The following UHRF2 variants were observed in gnomAD, a reference collection of about 807,000 sequenced individuals.
UHRF2 encodes the protein ubiquitin like with PHD and ring finger domains 2, also known as E3 ubiquitin-protein ligase UHRF2.
Under a neutral mutation model 96.8 loss-of-function variants are expected in UHRF2, and 23 were observed. That is an observed-to-expected ratio of 0.24 (90% CI 0.17 to 0.34). The LOEUF (loss-of-function observed/expected upper bound fraction) is 0.34, where lower values mean the gene tolerates loss of function less well. Ranked by LOEUF, UHRF2 falls within the 10% of genes least tolerant of loss-of-function variation. The probability of loss-of-function intolerance (pLI) is 1.00; values close to 1 mark genes in which losing one functional copy is unlikely to be tolerated. For synonymous variants in UHRF2, 385 were observed against 332.6 expected (o/e 1.16, Z -1.72); for missense variants, 685 against 981.5 (o/e 0.70, Z 4.04).
chr9:6,483,274 G>A (rs538120287), intron 8 of UHRF2, among the ~76,000 whole-genome samples: 17 of 145,860 alleles, frequency 1.2e-4, no homozygotes, highest in Admixed American at 6.3e-4. Flanking sequence ...GCAGTGAGCC[G>A]AGATTGTGCC....
chr9:6,503,650 G>GT lies in UHRF2; in HGVS notation c.2164-934dup, dbSNP rs200537753. On this transcript the variant is annotated intron_variant, in intron 14 of 15. Coordinates refer to ENST00000276893, the MANE Select transcript of UHRF2 (RefSeq NM_152896.3). ...ATACTACAGAGTATTGTTTCCTAGT[G>GT]TTTTTTTTTAAGCTCCTAAAGACAA... is the stretch of plus-strand genomic sequence containing the variant. Among the ~76,000 whole-genome samples, 614 of 150,880 alleles carry GT rather than the reference G, an allele frequency of 4.1e-3. 3 individuals carry two copies. Among genetic ancestry groups the GT allele is most frequent in the East Asian group, 0.014 (70 of 5,146 alleles).
At chr9:6,418,462 C>T (rs978194214) in intron 1 of UHRF2, among the ~76,000 whole-genome samples, 1 of 151,768 alleles carries the variant, frequency 6.6e-6, no homozygotes, top group Non-Finnish European at 1.5e-5. Flanking sequence ...AATGTGAATA[C>T]CTGTAGTGTT....
chr9:6,452,571 C>T (rs1166924645), intron 3 of UHRF2, among the ~76,000 whole-genome samples: 2 of 152,100 alleles, frequency 1.3e-5, no homozygotes, highest in African/African-American at 4.8e-5. Context: ...TGGGCCTAGT[C>T]TGAGAAAGGT....
Position 6,506,303 on chromosome 9 carries a change from TC to T in UHRF2, c.*127del. 8.0e-7 allele frequency: 1 copy of T among 1,255,212 alleles called. No homozygotes were observed. Among genetic ancestry groups the T allele is most frequent in the Non-Finnish European group, 1.1e-6 (1 of 913,078 alleles). 77.8% of individuals were successfully genotyped at this position (1,255,212 alleles called of 1,614,324 possible). A position where few individuals can be genotyped will look rare whatever the true frequency, so the allele number is the denominator to read the frequency against. On this transcript the variant is annotated 3_prime_UTR_variant, in exon 16 of 16. Transcript: ENST00000276893. ...ACGTTCTGAAGCAGCTAATCCTCTT[TC>T]CCACATAGCCATCATCTTGTGTGTG...
In UHRF2 at chr9:6,433,942, T is replaced by C; in HGVS notation, c.413T>C (p.Val138Ala). Residue 138 changes from valine to alanine, a missense_variant, in exon 3 of 16, where the codon GTC becomes GCC. By Grantham distance (64) the Val-to-Ala change is moderately conservative. This residue lies in a region of UHRF2 where 391 missense variants were observed against 437.0 expected (regional missense o/e 0.89). Transcript: ENST00000276893. Reference sequence around the variant, plus strand: ...AATGAATTGGTGGATGCCAGAGATGTCGGCCTTGGTGCTTGGTTTGAAGCA... The same window carrying C: ...AATGAATTGGTGGATGCCAGAGATGCCGGCCTTGGTGCTTGGTTTGAAGCA... The part of the protein sequence containing the change: ...KVNELVDARD[V>A]GLGAWFEAHI... The C allele has an allele frequency of 6.2e-7, 1 of 1,610,584 alleles. No homozygotes were observed. Among genetic ancestry groups the C allele is most frequent in the Non-Finnish European group, 8.5e-7 (1 of 1,177,108 alleles).
intron 6 of UHRF2, among the ~76,000 whole-genome samples, chr9:6,480,658 C>A (rs67797327): frequency 0.022 from 3,369 of 152,228 alleles, 67 homozygotes; most frequent in Middle Eastern, 0.048. Context: ...ATCTTTAATA[C>A]AGTTAGTTAT....
intron 3 of UHRF2, among the ~76,000 whole-genome samples, chr9:6,454,706 A>C (rs763736897): frequency 2.0e-5 from 3 of 152,144 alleles, no homozygotes; most frequent in Non-Finnish European, 2.9e-5. Flanking sequence ...CTTCAGGCCC[A>C]CTTTGGTTTT....
chr9:6,447,839 A>T (rs1455119991), intron 3 of UHRF2, among the ~76,000 whole-genome samples: 1 of 152,242 alleles, frequency 6.6e-6, no homozygotes, highest in Non-Finnish European at 1.5e-5. Flanking sequence ...CAACAAACAA[A>T]GCAAGCAAAT....
chr9:6,470,127 T>A (rs963457410), intron 4 of UHRF2, among the ~76,000 whole-genome samples: 11 of 152,120 alleles, frequency 7.2e-5, no homozygotes, highest in African/African-American at 1.9e-4. Flanking sequence ...AATCGCAGCA[T>A]TTTGGAAGGC....
intron 2 of UHRF2, among the ~76,000 whole-genome samples, chr9:6,421,747 C>G (rs1159133279): frequency 6.6e-6 from 1 of 152,126 alleles, no homozygotes. Flanking sequence ...TCGTGTGTGT[C>G]CCTATCAGAA....
rs1293670225 is a variant in UHRF2, at chr9:6,506,808, G to A, written c.*629G>A. ...ATGAATGCATTGTTGCTGCATTAGTGTAATGTGGTGTGGTTTTGCACTTAA... is the reference window on the plus strand; with the variant it reads ...ATGAATGCATTGTTGCTGCATTAGTATAATGTGGTGTGGTTTTGCACTTAA... On this transcript the variant is annotated 3_prime_UTR_variant, in exon 16 of 16. Coordinates refer to ENST00000276893, the MANE Select transcript of UHRF2 (RefSeq NM_152896.3). 2.6e-5 allele frequency: 4 copies of A among 152,646 alleles called. No homozygotes were observed. Among genetic ancestry groups the A allele is most frequent in the Non-Finnish European group, 5.9e-5 (4 of 68,050 alleles). 9.5% of individuals were successfully genotyped at this position (152,646 alleles called of 1,614,324 possible). A position where few individuals can be genotyped will look rare whatever the true frequency, so the allele number is the denominator to read the frequency against.
At chr9:6,497,667 T>C (rs1825052911) in intron 11 of UHRF2, among the ~76,000 whole-genome samples, 1 of 152,178 alleles carries the variant, frequency 6.6e-6, no homozygotes, top group Non-Finnish European at 1.5e-5. Flanking sequence ...ATATATCTTT[T>C]TGAATGATTT....
At chr9:6,462,996 A>G (rs1024578255) in intron 4 of UHRF2, among the ~76,000 whole-genome samples, 4 of 148,152 alleles carry the variant, frequency 2.7e-5, no homozygotes, top group African/African-American at 1.0e-4. Flanking sequence ...ACTGAGACTG[A>G]GTGGGCCAGG....
rs1171978950 is a variant in UHRF2 at position 6,487,182 on chromosome 9, C to CTTTTTTTTTTTTTTTTTTTTTT, written c.1497+261_1497+282dup. Among the ~76,000 whole-genome samples, 10 of 69,586 alleles carry CTTTTTTTTTTTTTTTTTTTTTT rather than the reference C, an allele frequency of 1.4e-4. 2 individuals carry two copies. The highest frequency in any genetic ancestry group is 4.5e-4 in the African/African-American group (7 of 15,546). The allele number at this position is 69,586 out of a possible 152,430, so 45.7% of individuals were successfully genotyped here. Reference sequence around the variant, plus strand: ...TCTATAGAGCTTTTATTTTTTTTTCCTTTTTTTTTTTTTTTTTTTTTTTTT... The same window carrying CTTTTTTTTTTTTTTTTTTTTTT: ...TCTATAGAGCTTTTATTTTTTTTTCCTTTTTTTTTTTTTTTTTTTTTTTTTTTTTTTTTTTTTTTTTTTTTTT... On this transcript the variant is annotated intron_variant, in intron 9 of 15. Transcript: ENST00000276893.
Position 6,506,134 on chromosome 9 carries a change from G to C in UHRF2, c.2364G>C (p.Gln788His). 1 of 1,614,174 alleles carries C rather than the reference G, an allele frequency of 6.2e-7. No individual in the cohort carries two copies. Among genetic ancestry groups the C allele is most frequent in the Non-Finnish European group, 8.5e-7 (1 of 1,180,026 alleles). The stretch of plus-strand genomic sequence containing the variant: ...TCATGATTCCCAATGAGATTCTGCA[G>C]ACTCTACTTGACCTTTTCTTCCCTG... ...NYIMIPNEIL[Q>H]TLLDLFFPGY... is the part of the protein sequence containing the mutation. The change falls in exon 16 of 16, where the codon CAG becomes CAC. Residue 788 changes from glutamine (Q) to histidine (H), a missense_variant. By Grantham distance (24) the Gln-to-His change is conservative. Coordinates refer to ENST00000276893, the MANE Select transcript of UHRF2 (RefSeq NM_152896.3).
chr9:6,505,243 A>G (rs1027673741), intron 15 of UHRF2, among the ~76,000 whole-genome samples: 27 of 152,032 alleles, frequency 1.8e-4, no homozygotes, highest in African/African-American at 6.0e-4. Flanking sequence ...AGTTAACTGT[A>G]TGTTTAATGT....
intron 9 of UHRF2, among the ~76,000 whole-genome samples, chr9:6,487,185 T>TATTTTTATTTTTA (rs1563799233): frequency 3.0e-4 from 35 of 117,068 alleles, no homozygotes; most frequent in African/African-American, 1.2e-3. Flanking sequence ...TTTTTTCCTT[T>TATTTTTATTTTTA]TTTTTTTTTT....
intron 3 of UHRF2, among the ~76,000 whole-genome samples, chr9:6,448,252 A>G (rs945029279): frequency 6.6e-6 from 1 of 152,262 alleles, no homozygotes; most frequent in Admixed American, 6.5e-5. Context: ...GGTACATAGT[A>G]ACAACCAAAA....
intron 6 of UHRF2, among the ~76,000 whole-genome samples, chr9:6,480,423 GTTGAAGGAGTGAATCAA>G (rs953100377): frequency 5.3e-5 from 8 of 152,246 alleles, no homozygotes; most frequent in Non-Finnish European, 1.2e-4. Context: ...GAACAAACCT[GTTGAAGGAGTGAATCAA>G]TCCCAGAGAT....
Sources: allele counts gnomAD v4.1 joint callset (sites outside exome capture counted in the v4.1 genomes callset), GRCh38; gene constraint gnomAD v4.1.1; regional missense constraint gnomAD v4.1.1; transcripts MANE v1.5; gene names NCBI Gene and HGNC (gene_info 2026-07-23, HGNC 2026-07-21).